FMO3: variants seen among roughly 807,000 people sequenced by gnomAD.
FMO3 encodes flavin-containing monooxygenase 3.
A neutral mutation model predicts 39.4 loss-of-function variants in FMO3; 40 were observed. That is an observed-to-expected ratio of 1.02 (90% CI 0.79 to 1.32). FMO3 has a LOEUF of 1.32. Ranked by LOEUF, FMO3 falls within the 40% of genes most tolerant of loss-of-function variation. The probability of loss-of-function intolerance (pLI) is 0.00; values close to 1 mark genes in which losing one functional copy is unlikely to be tolerated. For missense variants in FMO3, 680 were observed against 651.8 expected, an observed-to-expected ratio of 1.04 and a Z score of -0.47; for synonymous variants, 219 against 228.8, an observed-to-expected ratio of 0.96 and a Z score of 0.39.
Position 171,117,427 on chromosome 1 carries a change from C to G in FMO3, c.1584C>G (p.Phe528Leu). The change falls in exon 9 of 9, where the codon TTC (phenylalanine) becomes TTG (leucine). Residue 528 changes from phenylalanine to leucine, a missense_variant. Coordinates refer to ENST00000367755, the MANE Select transcript of FMO3 (RefSeq NM_001002294.3). ...TTCCTATTCTGTTAATCGCTGTTTT[C>G]CTTGTGTTGACCTAATCATCATTTT... Reference protein sequence around the residue: ...FAIPILLIAVFLVLT With the variant: ...FAIPILLIAVLLVLT The G allele has an allele frequency of 6.2e-7, 1 of 1,613,430 alleles. No homozygotes were observed. The highest frequency in any genetic ancestry group is 8.5e-7 in the Non-Finnish European group (1 of 1,179,562).
At chr1:171,094,939 G>A (rs148398257) in intron 2 of FMO3, among the ~76,000 whole-genome samples, 13 of 152,182 alleles carry the variant, frequency 8.5e-5, no homozygotes, top group African/African-American at 2.9e-4. Context: ...GGTTCCATAT[G>A]AATTTTTAGA....
rs1182242330 is a variant in FMO3, at chr1:171,117,237, C to T, written c.1394C>T (p.Pro465Leu). ...TTGGCCATGGAAGTTTATTTTGGCC[C>T]TTGTAGTCCCTACCAGTTTAGGCTG... ...PKLAMEVYFG[P>L]CSPYQFRLVG... The change falls in exon 9 of 9, where the codon CCT becomes CTT. Residue 465 changes from proline to leucine, a missense_variant. Pro to Leu is a moderately conservative substitution (Grantham distance 98). Coordinates refer to ENST00000367755, the MANE Select transcript of FMO3 (RefSeq NM_001002294.3). The T allele has an allele frequency of 6.2e-6, 10 of 1,614,162 alleles. No individual in the cohort carries two copies. The highest frequency in any genetic ancestry group is 8.5e-6 in the Non-Finnish European group (10 of 1,180,018).
At chr1:171,095,851 T>C (rs1202935811) in intron 2 of FMO3, among the ~76,000 whole-genome samples, 2 of 115,984 alleles carry the variant, frequency 1.7e-5, no homozygotes, top group African/African-American at 6.6e-5. Flanking sequence ...CATATAATTA[T>C]ATATATAATA....
intron 2 of FMO3, among the ~76,000 whole-genome samples, chr1:171,096,049 A>AATATATAATATATATT (rs1654995591): frequency 2.1e-5 from 1 of 47,438 alleles, no homozygotes; most frequent in Non-Finnish European, 2.9e-5. Context: ...ATTATATATA[A>AATATATAATATATATT]ATATATAATA....
chr1:171,103,514 C>T (rs1655499979), intron 2 of FMO3, among the ~76,000 whole-genome samples: 1 of 152,038 alleles, frequency 6.6e-6, no homozygotes, highest in South Asian at 2.1e-4. Flanking sequence ...AATCAAAAAA[C>T]AATACACTAC....
At chr1:171,092,278 G>A (rs912478583) in intron 1 of FMO3, among the ~76,000 whole-genome samples, 1 of 152,100 alleles carries the variant, frequency 6.6e-6, no homozygotes, top group African/African-American at 2.4e-5. Context: ...GGAGTGCAGT[G>A]GTACAATCAC....
intron 2 of FMO3, chr1:171,100,616 G>A (rs1655335912): frequency 1.3e-5 from 2 of 154,642 alleles, no homozygotes; most frequent in Non-Finnish European, 2.9e-5. Context: ...TAATTTATAT[G>A]ATGATGAGAT....
At chr1:171,115,954 G>A (rs930062212) in intron 7 of FMO3, among the ~76,000 whole-genome samples, 4 of 152,192 alleles carry the variant, frequency 2.6e-5, no homozygotes, top group African/African-American at 9.7e-5. Context: ...CTTAAAATAT[G>A]ACTGAGATTA....
At chr1:171,096,051 T>TATATTATATATATAA (rs1557933149) in intron 2 of FMO3, among the ~76,000 whole-genome samples, 1 of 56,798 alleles carries the variant, frequency 1.8e-5, no homozygotes, top group African/African-American at 1.3e-4. Context: ...TATATATAAA[T>TATATTATATATATAA]ATATAATATA....
intron 6 of FMO3, among the ~76,000 whole-genome samples, chr1:171,113,633 T>C (rs1656009251): frequency 6.6e-6 from 1 of 152,188 alleles, no homozygotes; most frequent in South Asian, 2.1e-4. Flanking sequence ...TTAAAAAACA[T>C]AATCTCATCA....
At chr1:171,113,616 C>T (rs1028565776) in intron 6 of FMO3, among the ~76,000 whole-genome samples, 1 of 152,032 alleles carries the variant, frequency 6.6e-6, no homozygotes, top group Non-Finnish European at 1.5e-5. Context: ...TATGAGACAC[C>T]AAGAATTTAA....
intron 6 of FMO3, among the ~76,000 whole-genome samples, chr1:171,113,490 A>C (rs1412600764): frequency 1.3e-5 from 2 of 152,216 alleles, no homozygotes; most frequent in African/African-American, 2.4e-5. Context: ...CTGAATTAAG[A>C]ATAACAGTTA....
chr1:171,105,478 T>C (rs2101910551), intron 3 of FMO3, among the ~76,000 whole-genome samples: 1 of 152,250 alleles, frequency 6.6e-6, no homozygotes, highest in South Asian at 2.1e-4. Context: ...ACTTCCACAA[T>C]GGTTGAACTA....
intron 7 of FMO3, among the ~76,000 whole-genome samples, chr1:171,115,708 C>G (rs942650413): frequency 2.0e-5 from 3 of 152,186 alleles, no homozygotes; most frequent in Admixed American, 6.5e-5. Context: ...GATCTAGTCT[C>G]CTGGGTCTCC....
chr1:171,113,305 C>T (rs1655994932), intron 6 of FMO3, among the ~76,000 whole-genome samples: 1 of 149,462 alleles, frequency 6.7e-6, no homozygotes, highest in African/African-American at 2.4e-5. Context: ...CAAACTGGCA[C>T]CCTCCCTCTG....
chr1:171,104,571 G>A lies in FMO3; in HGVS notation c.321+598G>A, dbSNP rs116455949. ...AAATTGAAAGTTAATTATTTGAAAGGACTAATAAAATAAACAACAGGAGCC... is the reference window on the plus strand; with the variant it reads ...AAATTGAAAGTTAATTATTTGAAAGAACTAATAAAATAAACAACAGGAGCC... On this transcript the variant is annotated intron_variant, in intron 3 of 8. Coordinates refer to ENST00000367755, the MANE Select transcript of FMO3 (RefSeq NM_001002294.3). Among the ~76,000 whole-genome samples, 1,264 of 152,088 alleles carry A rather than the reference G, an allele frequency of 8.3e-3. 12 individuals carry two copies. The highest frequency in any genetic ancestry group is 0.013 in the Non-Finnish European group (866 of 67,974).
chr1:171,117,253 G>C lies in FMO3; in HGVS notation c.1410G>C (p.Gln470His), dbSNP rs747533614. 2 of 1,614,184 alleles carry C rather than the reference G, an allele frequency of 1.2e-6. No homozygotes were observed. Among genetic ancestry groups the C allele is most frequent in the South Asian group, 2.2e-5 (2 of 91,090 alleles). The change falls in exon 9 of 9, where the codon CAG becomes CAC. Residue 470 changes from glutamine (Q) to histidine (H), a missense_variant. Transcript: ENST00000367755. ...EVYFGPCSPY[Q>H]FRLVGPGQWP... ...ATTTTGGCCCTTGTAGTCCCTACCA[G>C]TTTAGGCTGGTGGGCCCAGGGCAGT...
intron 3 of FMO3, among the ~76,000 whole-genome samples, chr1:171,106,913 A>G (rs1655665113): frequency 6.6e-6 from 1 of 152,204 alleles, no homozygotes; most frequent in Admixed American, 6.5e-5. Flanking sequence ...CAAATTATGT[A>G]TTAGGTCTTA....
At chr1:171,115,400 C>G (rs902237547) in intron 7 of FMO3, among the ~76,000 whole-genome samples, 1 of 152,170 alleles carries the variant, frequency 6.6e-6, no homozygotes, top group Admixed American at 6.6e-5. Context: ...TCTTTTCAAT[C>G]TCTTCCTCTG....
Sources: gnomAD v4.1 joint callset for allele counts (sites outside exome capture counted in the v4.1 genomes callset) on GRCh38, gnomAD v4.1.1 for gene constraint, MANE v1.5 for transcripts, NCBI Gene and HGNC (gene_info 2026-07-23, HGNC 2026-07-21) for gene names.